Variants in COL21A1 observed in about 807,000 individuals in gnomAD.
COL21A1 encodes collagen alpha-1(XXI) chain.
Under a neutral mutation model 137.9 loss-of-function variants are expected in COL21A1, and 149 were observed. That is an observed-to-expected ratio of 1.08 (90% CI 0.95 to 1.24). The LOEUF is 1.24. COL21A1 is among the 50% of genes most tolerant of loss of function. The pLI is 0.00. For missense variants in COL21A1, 1,167 were observed against 1,158.4 expected, an observed-to-expected ratio of 1.01 and a Z score of -0.11; for synonymous variants, 456 against 391.5, an observed-to-expected ratio of 1.16 and a Z score of -1.95.
At chr6:56,375,359 C>T (rs2093997128) in intron 1 of COL21A1, among the ~76,000 whole-genome samples, 2 of 152,172 alleles carry the variant, frequency 1.3e-5, no homozygotes, top group Non-Finnish European at 2.9e-5. Context: ...CTTGTCCACT[C>T]GCTTCCAATT....
intron 1 of COL21A1, among the ~76,000 whole-genome samples, chr6:56,239,439 T>A (rs972307800): frequency 8.5e-5 from 13 of 152,124 alleles, no homozygotes; most frequent in African/African-American, 3.1e-4. Flanking sequence ...CATAAAAACG[T>A]CTACCATCTC....
At chr6:56,140,491 T>C (rs1774329321) in intron 12 of COL21A1, among the ~76,000 whole-genome samples, 1 of 152,176 alleles carries the variant, frequency 6.6e-6, no homozygotes, top group Non-Finnish European at 1.5e-5. Flanking sequence ...TGGGGAACAG[T>C]ATTGTGTGGA....
At chr6:56,189,753 A>G (rs1239984741) in intron 1 of COL21A1, among the ~76,000 whole-genome samples, 2 of 152,230 alleles carry the variant, frequency 1.3e-5, no homozygotes, top group East Asian at 3.9e-4. Context: ...GAAGCCCATC[A>G]GGCTAACAGT....
chr6:56,319,376 C>T (rs974366621), intron 1 of COL21A1, among the ~76,000 whole-genome samples: 1 of 152,162 alleles, frequency 6.6e-6, no homozygotes, highest in South Asian at 2.1e-4. Flanking sequence ...CTCACTCTGT[C>T]ACCCAGGCTG....
At chr6:56,260,866 GTGTGTGTGTGTA>G (rs1315086674) in intron 1 of COL21A1, among the ~76,000 whole-genome samples, 58 of 140,510 alleles carry the variant, frequency 4.1e-4, no homozygotes, top group Admixed American at 8.3e-4. Flanking sequence ...GTGTGTGTGT[GTGTGTGTGTGTA>G]TGTGTGTGTG....
chr6:56,084,649 A>G (rs937996789), intron 17 of COL21A1, among the ~76,000 whole-genome samples: 1 of 152,144 alleles, frequency 6.6e-6, no homozygotes, highest in African/African-American at 2.4e-5. Context: ...AAACAAATGA[A>G]AAGTTGGCCC....
chr6:56,246,938 C>T (rs762980278), intron 1 of COL21A1, among the ~76,000 whole-genome samples: 2 of 152,042 alleles, frequency 1.3e-5, no homozygotes, highest in Non-Finnish European at 2.9e-5. Flanking sequence ...TTTTAAAGGT[C>T]CCGGAGTGAG....
chr6:56,362,360 A>G (rs1385654090), intron 1 of COL21A1, among the ~76,000 whole-genome samples: 1 of 152,130 alleles, frequency 6.6e-6, no homozygotes, highest in Non-Finnish European at 1.5e-5. Context: ...ATTTTCTACA[A>G]TAAGTATGTA....
chr6:56,225,279 A>T (rs1339585393), intron 1 of COL21A1, among the ~76,000 whole-genome samples: 1 of 152,022 alleles, frequency 6.6e-6, no homozygotes, highest in Non-Finnish European at 1.5e-5. Flanking sequence ...GAAACCCCCC[A>T]AGCTATCAAG....
intron 12 of COL21A1, among the ~76,000 whole-genome samples, chr6:56,132,924 G>T (rs1773677667): frequency 6.6e-6 from 1 of 152,180 alleles, no homozygotes; most frequent in Non-Finnish European, 1.5e-5. Context: ...TGATTGTGAG[G>T]CCTCCCCAGC....
intron 1 of COL21A1, among the ~76,000 whole-genome samples, chr6:56,381,159 C>T (rs964573005): frequency 6.6e-6 from 1 of 152,042 alleles, no homozygotes; most frequent in African/African-American, 2.4e-5. Context: ...TTGTTTATAC[C>T]ATGAAATTAT....
chr6:56,068,691 T>C (rs12208615), intron 22 of COL21A1: 24,519 of 163,216 alleles, frequency 0.15, 1,914 homozygotes, highest in Middle Eastern at 0.21. Context: ...GAGGGGTATT[T>C]GCATTTTGAT....
chr6:56,338,445 T>C (rs780339937), intron 1 of COL21A1, among the ~76,000 whole-genome samples: 1 of 152,064 alleles, frequency 6.6e-6, no homozygotes, highest in Non-Finnish European at 1.5e-5. Context: ...ACCCTGACCC[T>C]TTCTGAGCCC....
At chr6:56,065,050 A>G (rs772434647) in intron 23 of COL21A1, among the ~76,000 whole-genome samples, 1 of 151,666 alleles carries the variant, frequency 6.6e-6, no homozygotes, top group Non-Finnish European at 1.5e-5. Context: ...ATTAAAATAT[A>G]CTGTCACATT....
At chr6:56,365,273 C>T (rs1250725044) in intron 1 of COL21A1, among the ~76,000 whole-genome samples, 1 of 152,112 alleles carries the variant, frequency 6.6e-6, no homozygotes, top group Non-Finnish European at 1.5e-5. Context: ...GTCGAATATT[C>T]CCCCACATAA....
At chr6:56,201,056 G>A (rs1277686470) in intron 1 of COL21A1, among the ~76,000 whole-genome samples, 1 of 152,134 alleles carries the variant, frequency 6.6e-6, no homozygotes, top group African/African-American at 2.4e-5. Flanking sequence ...GATGGCCAGT[G>A]ATGATGAGCA....
At chr6:56,092,126 A>G (rs2114210129) in intron 17 of COL21A1, among the ~76,000 whole-genome samples, 1 of 152,214 alleles carries the variant, frequency 6.6e-6, no homozygotes, top group Non-Finnish European at 1.5e-5. Context: ...ACTAAAAAGC[A>G]CTCAAAATCT....
intron 1 of COL21A1, among the ~76,000 whole-genome samples, chr6:56,345,149 G>A (rs1402939521): frequency 3.3e-5 from 5 of 152,146 alleles, no homozygotes; most frequent in Non-Finnish European, 7.3e-5. Flanking sequence ...GGTTTATCCT[G>A]ATGATGGTTA....
chr6:56,279,839 T>C (rs914916610), intron 1 of COL21A1, among the ~76,000 whole-genome samples: 1 of 152,178 alleles, frequency 6.6e-6, no homozygotes, highest in African/African-American at 2.4e-5. Context: ...AGATGATAAC[T>C]TTCCCTTTAT....
Sources: gnomAD v4.1 joint callset for allele counts (sites outside exome capture counted in the v4.1 genomes callset) on GRCh38, gnomAD v4.1.1 for gene constraint, MANE v1.5 for transcripts, NCBI Gene and HGNC (gene_info 2026-07-23, HGNC 2026-07-21) for gene names.